Variants in PEPD observed in about 807,000 individuals in gnomAD.
The protein encoded by PEPD is peptidase D.
A neutral mutation model predicts 60.7 loss-of-function variants in PEPD; 53 were observed. The observed-to-expected ratio is 0.87, with a 90% CI of 0.70 to 1.10. The LOEUF is 1.10. PEPD is among the 50% of genes least tolerant of loss of function. The pLI is 0.00. For missense variants in PEPD, 711 were observed against 711.9 expected (o/e 1.00, Z 0.01); for synonymous variants, 267 against 284.1 (o/e 0.94, Z 0.60).
At chr19:33,393,017 C>T (rs562407021) in intron 12 of PEPD, among the ~76,000 whole-genome samples, 122 of 152,274 alleles carry the variant, frequency 8.0e-4, no homozygotes, top group African/African-American at 2.6e-3. Context: ...CACAGCACAG[C>T]GCCCCAGCCA....
rs1402674095 is a variant in PEPD at position 33,511,031 on chromosome 19, C to T, written c.326G>A (p.Gly109Glu). 1.9e-6 allele frequency: 3 copies of T among 1,582,960 alleles called. No homozygotes were observed. Among genetic ancestry groups the T allele is most frequent in the Admixed American group, 3.4e-5 (2 of 58,876 alleles). Residue 109 changes from glycine to glutamate, a missense_variant, in exon 3 of 15, where the codon GGA becomes GAA. Gly to Glu is a moderately conservative substitution (Grantham distance 98). Coordinates refer to ENST00000244137, the MANE Select transcript of PEPD (RefSeq NM_000285.4). ...CCCTGGCCAGGCTGCTCCTTACTTT[C>T]CCATCCAGGTGGCATGGCTGGCAGG... The part of the protein sequence containing the change: ...RLPASHATWM[G>E]KIHSKEHFKE...
chr19:33,520,332 C>A (rs1051645001), intron 1 of PEPD, among the ~76,000 whole-genome samples: 1 of 152,184 alleles, frequency 6.6e-6, no homozygotes. Flanking sequence ...AGGATCTGAC[C>A]CTGAGTTCCT....
At chr19:33,444,795 C>T (rs897346890) in intron 9 of PEPD, among the ~76,000 whole-genome samples, 12 of 152,110 alleles carry the variant, frequency 7.9e-5, no homozygotes, top group African/African-American at 2.9e-4. Context: ...CTCTTACCCG[C>T]CACACCCCAT....
intron 3 of PEPD, among the ~76,000 whole-genome samples, chr19:33,505,764 C>T (rs1392086107): frequency 6.6e-6 from 1 of 150,422 alleles, no homozygotes; most frequent in Non-Finnish European, 1.5e-5. Flanking sequence ...ACACCCTACA[C>T]ATTATTTACT....
intron 9 of PEPD, among the ~76,000 whole-genome samples, chr19:33,456,445 T>C (rs1600130330): frequency 6.6e-6 from 1 of 152,154 alleles, no homozygotes; most frequent in Admixed American, 6.5e-5. Context: ...ACGCAGATGG[T>C]GTTTCCTGAC....
intron 9 of PEPD, among the ~76,000 whole-genome samples, chr19:33,431,175 GAA>G (rs1969264243): frequency 7.5e-6 from 1 of 133,910 alleles, no homozygotes. Context: ...AGGAAGGAAG[GAA>G]GGAAGGGAGG....
intron 6 of PEPD, among the ~76,000 whole-genome samples, chr19:33,479,982 G>A (rs766547083): frequency 3.3e-5 from 5 of 152,158 alleles, no homozygotes; most frequent in Non-Finnish European, 5.9e-5. Context: ...AGGTCTTTGC[G>A]GAATTGCCAC....
chr19:33,481,085 A>C (rs978131680), intron 6 of PEPD, among the ~76,000 whole-genome samples: 3 of 152,214 alleles, frequency 2.0e-5, no homozygotes, highest in Non-Finnish European at 2.9e-5. Context: ...ATTAAACAGT[A>C]GACTCCTAAA....
chr19:33,496,754 T>C (rs1382236961), intron 4 of PEPD, among the ~76,000 whole-genome samples: 2 of 152,222 alleles, frequency 1.3e-5, no homozygotes, highest in Non-Finnish European at 2.9e-5. Context: ...GCCCCCGGCC[T>C]CTCTGGCAGA....
chr19:33,436,856 T>C (rs1969387734), intron 9 of PEPD, among the ~76,000 whole-genome samples: 2 of 152,238 alleles, frequency 1.3e-5, no homozygotes, highest in Middle Eastern at 3.4e-3. Context: ...GCACCAGCCA[T>C]GTGATGCCTC....
chr19:33,466,577 C>A (rs1477229800), intron 7 of PEPD, among the ~76,000 whole-genome samples: 1 of 152,100 alleles, frequency 6.6e-6, no homozygotes, highest in Non-Finnish European at 1.5e-5. Flanking sequence ...AATTGGGATG[C>A]TGTGGTACAA....
At chr19:33,432,010 A>AAAAAAAAAAAAAAAG (rs1031542443) in intron 9 of PEPD, among the ~76,000 whole-genome samples, 3 of 147,604 alleles carry the variant, frequency 2.0e-5, no homozygotes, top group African/African-American at 7.6e-5. Flanking sequence ...AAAAAAAAAA[A>AAAAAAAAAAAAAAAG]GGGAAGATTA....
At chr19:33,392,091 G>A (rs115040378) in intron 12 of PEPD, among the ~76,000 whole-genome samples, 3 of 152,328 alleles carry the variant, frequency 2.0e-5, no homozygotes, top group African/African-American at 7.2e-5. Flanking sequence ...ACGGCCCCAC[G>A]AGCTGGCTGG....
chr19:33,491,934 A>C (rs1970507088), intron 5 of PEPD, among the ~76,000 whole-genome samples: 1 of 151,998 alleles, frequency 6.6e-6, no homozygotes, highest in Non-Finnish European at 1.5e-5. Context: ...ATGTTAGCAC[A>C]GGTCTTTGAA....
In PEPD at chr19:33,521,746, GGTGGCC is replaced by G; in HGVS notation, c.9_14del (p.Ala4_Thr5del). The G allele has an allele frequency of 6.3e-7, 1 of 1,577,572 alleles. No individual in the cohort carries two copies. Among genetic ancestry groups the G allele is most frequent in the Non-Finnish European group, 8.6e-7 (1 of 1,167,252 alleles). On this transcript the variant is annotated inframe_deletion, in exon 1 of 15. Coordinates refer to ENST00000244137, the MANE Select transcript of PEPD (RefSeq NM_000285.4). ...AGCGAGGGAGGCGCAGCACTCACCCGGTGGCCGCCGCCATGTTCGCCCGGCACCGGC... is the reference window on the plus strand; with the variant it reads ...AGCGAGGGAGGCGCAGCACTCACCCGGCCGCCATGTTCGCCCGGCACCGGC...
intron 12 of PEPD, among the ~76,000 whole-genome samples, chr19:33,401,028 G>C (rs183288377): frequency 1.3e-5 from 2 of 152,178 alleles, no homozygotes; most frequent in African/African-American, 4.8e-5. Flanking sequence ...AGACATCAAC[G>C]GCGCGCGGTG....
intron 11 of PEPD, among the ~76,000 whole-genome samples, chr19:33,405,182 G>A (rs1968591606): frequency 6.6e-6 from 1 of 152,194 alleles, no homozygotes; most frequent in African/African-American, 2.4e-5. Flanking sequence ...GTAGCTTTGG[G>A]CCTGGGCTAC....
At chr19:33,513,843 C>T (rs1007910569) in intron 1 of PEPD, among the ~76,000 whole-genome samples, 1 of 72,548 alleles carries the variant, frequency 1.4e-5, no homozygotes, top group African/African-American at 4.3e-5. Flanking sequence ...GGGGAATGCT[C>T]TTCCCAAGGG....
In PEPD at chr19:33,457,807, A is replaced by G. The variant is rs905093029; in HGVS notation, c.671+5188T>C. Among the ~76,000 whole-genome samples the G allele has an allele frequency of 6.6e-5, 10 of 152,296 alleles. No individual in the cohort carries two copies. In the South Asian group the frequency reaches 1.2e-3, roughly 19 times the overall value. On this transcript the variant is annotated intron_variant, in intron 9 of 14. Coordinates refer to ENST00000244137, the MANE Select transcript of PEPD (RefSeq NM_000285.4). ...TTACAGGCATGAGCCACCACACCCA[A>G]CACCCAACCAGTTTCTAGTCTTAAA... is the stretch of plus-strand genomic sequence containing the variant.
Sources: gnomAD v4.1 joint callset for allele counts (sites outside exome capture counted in the v4.1 genomes callset) on GRCh38, gnomAD v4.1.1 for gene constraint, MANE v1.5 for transcripts, NCBI Gene and HGNC (gene_info 2026-07-23, HGNC 2026-07-21) for gene names.